KIRREL3: variants seen among roughly 807,000 people sequenced by gnomAD.
The protein encoded by KIRREL3 is kirre like nephrin family adhesion molecule 3, also known as kin of IRRE-like protein 3.
In KIRREL3, 36 loss-of-function variants were observed where a neutral mutation model predicts 89.7. The ratio of observed to expected loss-of-function variants is 0.40; its 90% CI spans 0.31 to 0.53. The LOEUF (loss-of-function observed/expected upper bound fraction) is 0.53, where lower values mean the gene tolerates loss of function less well. Ranked by LOEUF, KIRREL3 falls within the 20% of genes least tolerant of loss-of-function variation. KIRREL3 has a pLI of 0.49. For missense variants in KIRREL3, 864 were observed against 1,056.6 expected (o/e 0.82, Z 2.53); for synonymous variants, 445 against 441.4 (o/e 1.01, Z -0.10).
chr11:126,425,034 G>A lies in KIRREL3; in HGVS notation c.1894-11C>T, dbSNP rs750022234. ...GCCATTGGTGGGGTCCTGGATGGGC[G>A]AGAGGAAGAGGAGCGTCACCTGGTG... is the stretch of plus-strand genomic sequence containing the variant. On this transcript the variant is annotated splice_polypyrimidine_tract_variant and intron_variant, in intron 16 of 16. Coordinates refer to ENST00000525144, the MANE Select transcript of KIRREL3 (RefSeq NM_032531.4). 2.3e-5 allele frequency: 34 copies of A among 1,508,946 alleles called. No individual in the cohort carries two copies. Among genetic ancestry groups the A allele is most frequent in the Non-Finnish European group, 1.8e-5 (20 of 1,128,040 alleles). 93.5% of individuals were successfully genotyped at this position (1,508,946 alleles called of 1,614,324 possible). A position where few individuals can be genotyped will look rare whatever the true frequency, so the allele number is the denominator to read the frequency against.
chr11:126,963,006 T>C (rs568678960), intron 1 of KIRREL3, among the ~76,000 whole-genome samples: 25 of 152,312 alleles, frequency 1.6e-4, no homozygotes, highest in Admixed American at 1.6e-3. Context: ...TGGTATAGTG[T>C]AAACATAACT....
At chr11:126,665,864 TG>T (rs1945639038) in intron 1 of KIRREL3, among the ~76,000 whole-genome samples, 1 of 152,240 alleles carries the variant, frequency 6.6e-6, no homozygotes, top group Non-Finnish European at 1.5e-5. Flanking sequence ...TTAATCTCTA[TG>T]TGCATTCATT....
At chr11:126,731,734 T>C (rs569540283) in intron 1 of KIRREL3, among the ~76,000 whole-genome samples, 32 of 152,366 alleles carry the variant, frequency 2.1e-4, no homozygotes, top group Admixed American at 3.3e-4. Flanking sequence ...AGCTACTTGA[T>C]CCATCTGGCT....
At position 126,492,169 on chromosome 11, in the gene KIRREL3, A is replaced by G. The variant is rs1957537226; in HGVS notation, c.434-18703T>C. 6.6e-6 allele frequency among the ~76,000 whole-genome samples: 1 copy of G among 152,202 alleles called. No individual in the cohort carries two copies. The highest frequency in any genetic ancestry group is 2.4e-5 in the African/African-American group (1 of 41,450). On this transcript the variant is annotated intron_variant, in intron 4 of 16. Transcript: ENST00000525144. This position sits in a 1 kb window ranked among gnomAD's most constrained non-coding sequence, Gnocchi z 4.8. ...CACCGAGGAACTGGGAGGATGATCTATAGACAGTCTCCTCTTCACTGAAAG... is the reference window on the plus strand; with the variant it reads ...CACCGAGGAACTGGGAGGATGATCTGTAGACAGTCTCCTCTTCACTGAAAG...
Position 126,569,831 on chromosome 11 carries a change from C to T in KIRREL3, c.56-6919G>A, listed in dbSNP as rs772104440. ...CAATGGCCCTCTCATTGGTTTTTGT[C>T]TATCAATAGCCATCAGTAGCCATTC... On this transcript the variant is annotated intron_variant, in intron 1 of 16. Coordinates refer to ENST00000525144, the MANE Select transcript of KIRREL3 (RefSeq NM_032531.4). The surrounding 1 kb of genome is among the most constrained non-coding windows in gnomAD (Gnocchi z 6.5). 1.1e-4 allele frequency among the ~76,000 whole-genome samples: 17 copies of T among 152,266 alleles called. No homozygotes were observed. Among genetic ancestry groups the T allele is most frequent in the Non-Finnish European group, 2.4e-4 (16 of 68,020 alleles).
rs566662213 is a variant in KIRREL3 at position 126,698,394 on chromosome 11, C to G, written c.56-135482G>C. On this transcript the variant is annotated intron_variant, in intron 1 of 16. Coordinates refer to ENST00000525144, the MANE Select transcript of KIRREL3 (RefSeq NM_032531.4). ...TAAAAAGTTGTATAATCTCTCCAAA[C>G]GCTATTATGAAGTCCAAAGGAGGCA... Among the ~76,000 whole-genome samples the G allele has an allele frequency of 7.9e-5, 12 of 152,348 alleles. No homozygotes were observed. In the East Asian group the frequency reaches 2.3e-3, roughly 29 times the overall value.
At chr11:126,514,135 AG>A (rs1380501781) in intron 4 of KIRREL3, among the ~76,000 whole-genome samples, 3 of 152,018 alleles carry the variant, frequency 2.0e-5, no homozygotes, top group Non-Finnish European at 2.9e-5. Context: ...GGGTGTGTGT[AG>A]GGGGAGCGAG....
chr11:126,776,662 G>A lies in KIRREL3; in HGVS notation c.56-213750C>T, dbSNP rs547020450. 5.1e-4 allele frequency among the ~76,000 whole-genome samples: 78 copies of A among 152,334 alleles called. No homozygotes were observed. The highest frequency in any genetic ancestry group is 8.2e-4 in the Non-Finnish European group (56 of 68,028). On this transcript the variant is annotated intron_variant, in intron 1 of 16. Transcript: ENST00000525144. The surrounding 1 kb of genome is among the most constrained non-coding windows in gnomAD (Gnocchi z 4.7). ...GTCTCTGGGACAAACCAAGGATTGT[G>A]GGGTCACAGAAGTCAACTGTTAAAA... is the stretch of plus-strand genomic sequence containing the variant.
Position 126,428,380 on chromosome 11 carries a change from G to A in KIRREL3, c.1806+799C>T, listed in dbSNP as rs1310350446. On this transcript the variant is annotated intron_variant, in intron 15 of 16. Coordinates refer to ENST00000525144, the MANE Select transcript of KIRREL3 (RefSeq NM_032531.4). This position sits in a 1 kb window ranked among gnomAD's most constrained non-coding sequence, Gnocchi z 6.4. ...GGCCCATAAATGGGGATTCGGAAGA[G>A]GAGGAGCAGGCTTGATGTGCCTGGA... 6.6e-6 allele frequency among the ~76,000 whole-genome samples: 1 copy of A among 152,196 alleles called. No individual in the cohort carries two copies. Among genetic ancestry groups the A allele is most frequent in the African/African-American group, 2.4e-5 (1 of 41,448 alleles).
intron 1 of KIRREL3, among the ~76,000 whole-genome samples, chr11:126,964,095 GT>G (rs1338204188): frequency 6.6e-6 from 1 of 152,122 alleles, no homozygotes; most frequent in Admixed American, 6.6e-5. Flanking sequence ...CAACTACAAG[GT>G]TTGAGAAAGA....
intron 1 of KIRREL3, among the ~76,000 whole-genome samples, chr11:126,592,718 A>G (rs1942200885): frequency 6.6e-6 from 1 of 152,230 alleles, no homozygotes; most frequent in Non-Finnish European, 1.5e-5. Context: ...GAGGCACATC[A>G]GGGGAGGCCT....
At position 126,445,217 on chromosome 11, in the gene KIRREL3, A is replaced by G. The variant is rs1955744596; in HGVS notation, c.1126-112T>C. 2.2e-6 allele frequency: 3 copies of G among 1,362,162 alleles called. No individual in the cohort carries two copies. The South Asian group carries it at 4.0e-5, about 18-fold the overall frequency. The allele number at this position is 1,362,162 out of a possible 1,614,324, so 84.4% of individuals were successfully genotyped here. A position where few individuals can be genotyped will look rare whatever the true frequency, so the allele number is the denominator to read the frequency against. Reference sequence around the variant, plus strand: ...TGGGGTAACTGAGGCAGTCTCCGGCATCTCAGTAGGAAGCAAGGTGGGGAG... The same window carrying G: ...TGGGGTAACTGAGGCAGTCTCCGGCGTCTCAGTAGGAAGCAAGGTGGGGAG... On this transcript the variant is annotated intron_variant, in intron 9 of 16. Transcript: ENST00000525144.
rs1031951098 is a variant in KIRREL3 at position 126,605,250 on chromosome 11, C to T, written c.56-42338G>A. ...CAAGTCACATTTGCAGTTGGTGCCT[C>T]CTTAGTCACTGCCAGGATTCCAGGC... On this transcript the variant is annotated intron_variant, in intron 1 of 16. Coordinates refer to ENST00000525144, the MANE Select transcript of KIRREL3 (RefSeq NM_032531.4). This position sits in a 1 kb window ranked among gnomAD's most constrained non-coding sequence, Gnocchi z 5.7. Among the ~76,000 whole-genome samples the T allele has an allele frequency of 2.0e-5, 3 of 152,196 alleles. No homozygotes were observed. The highest frequency in any genetic ancestry group is 7.2e-5 in the African/African-American group (3 of 41,444).
intron 1 of KIRREL3, among the ~76,000 whole-genome samples, chr11:126,921,202 G>C (rs1323041201): frequency 6.6e-6 from 1 of 152,128 alleles, no homozygotes; most frequent in Non-Finnish European, 1.5e-5. Context: ...CGCACCAGGG[G>C]CTCCCCCAGA....
intron 1 of KIRREL3, among the ~76,000 whole-genome samples, chr11:126,727,108 C>A (rs936847542): frequency 1.3e-5 from 2 of 152,210 alleles, no homozygotes; most frequent in African/African-American, 4.8e-5. Flanking sequence ...ATTCCCAGTG[C>A]CTAGCATGGA....
At chr11:126,942,982 TAAGG>T (rs1370794181) in intron 1 of KIRREL3, among the ~76,000 whole-genome samples, 1 of 152,224 alleles carries the variant, frequency 6.6e-6, no homozygotes, top group Non-Finnish European at 1.5e-5. Flanking sequence ...TTTGTCATAT[TAAGG>T]AGGCTATATG....
In KIRREL3 at chr11:126,558,856, A is replaced by G. The variant is rs1939896082; in HGVS notation, c.133+3979T>C. 1.3e-5 allele frequency among the ~76,000 whole-genome samples: 2 copies of G among 152,168 alleles called. No individual in the cohort carries two copies. The highest frequency in any genetic ancestry group is 4.2e-4 in the South Asian group (2 of 4,816). On this transcript the variant is annotated intron_variant, in intron 2 of 16. Transcript: ENST00000525144. The surrounding 1 kb of genome is among the most constrained non-coding windows in gnomAD (Gnocchi z 4.0). Reference sequence around the variant, plus strand: ...TGTGGGTGTATGTGTGCATGTGTATACATGTGTGCAGGTGTGTGCATGCAT... The same window carrying G: ...TGTGGGTGTATGTGTGCATGTGTATGCATGTGTGCAGGTGTGTGCATGCAT...
rs561460620 is a variant in KIRREL3 at position 126,670,219 on chromosome 11, A to AT, written c.56-107308dup. 2.0e-5 allele frequency among the ~76,000 whole-genome samples: 3 copies of AT among 152,306 alleles called. No individual in the cohort carries two copies. In the South Asian group the frequency reaches 6.2e-4, roughly 32 times the overall value. Reference sequence around the variant, plus strand: ...TATGCCCCACATAGCAGGCATAATGATTTTAAAAAATCAGCATTTGACCAA... The same window carrying AT: ...TATGCCCCACATAGCAGGCATAATGATTTTTAAAAAATCAGCATTTGACCAA... On this transcript the variant is annotated intron_variant, in intron 1 of 16. Transcript: ENST00000525144.
At chr11:126,650,165 C>T (rs901675809) in intron 1 of KIRREL3, among the ~76,000 whole-genome samples, 2 of 152,222 alleles carry the variant, frequency 1.3e-5, no homozygotes, top group Non-Finnish European at 2.9e-5. Flanking sequence ...CTGGGCCCGT[C>T]CCATGAAACC....
Sources: allele counts gnomAD v4.1 joint callset (sites outside exome capture counted in the v4.1 genomes callset), GRCh38; gene constraint gnomAD v4.1.1; non-coding constraint Gnocchi (gnomAD v3.1); transcripts MANE v1.5; gene names NCBI Gene and HGNC (gene_info 2026-07-23, HGNC 2026-07-21).